Variants in SLCO4C1 observed in about 807,000 individuals in gnomAD.
SLCO4C1 encodes the protein solute carrier organic anion transporter family member 4C1.
SLCO4C1 carries 58 observed loss-of-function variants against 72.1 expected under a neutral mutation model. The ratio of observed to expected loss-of-function variants is 0.80; its 90% CI spans 0.65 to 1.00. The LOEUF is 1.00. Among genes scored for constraint, SLCO4C1 ranks in the 50% least tolerant of loss-of-function variants. The pLI, the probability that SLCO4C1 is intolerant of heterozygous loss-of-function variation, is 0.00. For synonymous variants in SLCO4C1, 297 were observed against 312.5 expected (o/e 0.95, Z 0.52); for missense variants, 898 against 857.9 (o/e 1.05, Z -0.58).
intron 8 of SLCO4C1, 50 bp from the exon 9 acceptor site, chr5:102,249,838 C>A: frequency 6.3e-7 from 1 of 1,578,072 alleles, no homozygotes; most frequent in Non-Finnish European, 8.6e-7. Flanking sequence ...TAACTTTTAA[C>A]TAACAATTTC....
chr5:102,270,855 TA>T, intron 2 of SLCO4C1, 49 bp from the exon 3 acceptor site: 2 of 1,383,034 alleles, frequency 1.4e-6, no homozygotes, highest in Non-Finnish European at 2.0e-6. Flanking sequence ...GCTAATAATT[TA>T]AATTTCTATC....
chr5:102,249,877 C>G lies in SLCO4C1; in HGVS notation c.1470-89G>C, dbSNP rs1561367881. 3 of 1,264,558 alleles carry G rather than the reference C, an allele frequency of 2.4e-6. No individual in the cohort carries two copies. In the East Asian group the frequency reaches 7.0e-5, roughly 30 times the overall value. 78.3% of individuals were successfully genotyped at this position (1,264,558 alleles called of 1,614,324 possible). A position where few individuals can be genotyped will look rare whatever the true frequency, so the allele number is the denominator to read the frequency against. On this transcript the variant is annotated intron_variant, in intron 8 of 12. Coordinates refer to ENST00000310954, the MANE Select transcript of SLCO4C1 (RefSeq NM_180991.5). ...GCACTGTTATATCTTACCATTAGGT[C>G]ATTTATTCACTCACTCAACACATAA... is the stretch of plus-strand genomic sequence containing the variant.
At chr5:102,276,914 AATTCC>A (rs1749256714) in intron 2 of SLCO4C1, among the ~76,000 whole-genome samples, 1 of 152,286 alleles carries the variant, frequency 6.6e-6, no homozygotes, top group East Asian at 1.9e-4. Context: ...AGGGTGTAAG[AATTCC>A]ATTAAGTGGA....
rs539884313 is a variant in SLCO4C1 at position 102,255,856 on chromosome 5, A to G, written c.1469+1259T>C. Among the ~76,000 whole-genome samples, 19 of 152,246 alleles carry G rather than the reference A, an allele frequency of 1.2e-4. No homozygotes were observed. The South Asian group carries it at 3.9e-3, about 32-fold the overall frequency. ...TCTTTTGCAATCTCTCCTTTAGAAC[A>G]GGTATTTTGCCAAGAAGATCTGCCA... On this transcript the variant is annotated intron_variant, in intron 8 of 12. Coordinates refer to ENST00000310954, the MANE Select transcript of SLCO4C1 (RefSeq NM_180991.5).
chr5:102,241,743 C>G (rs997540278), intron 10 of SLCO4C1, among the ~76,000 whole-genome samples: 1 of 151,860 alleles, frequency 6.6e-6, no homozygotes, highest in Non-Finnish European at 1.5e-5. Context: ...ATTGAAAAAA[C>G]AATCCTAAAA....
chr5:102,243,270 ACCTCCC>A (rs1748579611), intron 10 of SLCO4C1, among the ~76,000 whole-genome samples: 1 of 151,872 alleles, frequency 6.6e-6, no homozygotes, highest in South Asian at 2.1e-4. Context: ...TGCCTGTAGG[ACCTCCC>A]CACCCAAGCG....
chr5:102,280,980 TA>T (rs1749343822), intron 2 of SLCO4C1, among the ~76,000 whole-genome samples: 1 of 152,138 alleles, frequency 6.6e-6, no homozygotes. Flanking sequence ...TTCTAAAATT[TA>T]TATAGAAATA....
intron 2 of SLCO4C1, among the ~76,000 whole-genome samples, chr5:102,285,757 T>C (rs1749440624): frequency 6.6e-6 from 1 of 152,146 alleles, no homozygotes; most frequent in Admixed American, 6.5e-5. Context: ...CCATTATAGC[T>C]TCTAATCTAA....
chr5:102,236,613 T>TTC lies in SLCO4C1; in HGVS notation c.*244_*245insGA. ...GTGTGTGTGTGTGTGTTCGTGTGTG[T>TTC]GTGTGTGTGTGTGCTCGTGTGTGTG... On this transcript the variant is annotated 3_prime_UTR_variant, in exon 13 of 13. Transcript: ENST00000310954. The TTC allele has an allele frequency of 2.6e-6, 1 of 391,390 alleles. No homozygotes were observed. The highest frequency in any genetic ancestry group is 5.8e-5 in the East Asian group (1 of 17,336). 24.2% of individuals were successfully genotyped at this position (391,390 alleles called of 1,614,324 possible).
At position 102,236,082 on chromosome 5, in the gene SLCO4C1, TA is replaced by T. The variant is rs1379693082; in HGVS notation, c.*775del. 6 of 152,220 alleles carry T rather than the reference TA, an allele frequency of 3.9e-5. No individual in the cohort carries two copies. The highest frequency in any genetic ancestry group is 1.4e-4 in the African/African-American group (6 of 41,460). The allele number at this position is 152,220 out of a possible 1,614,324, so 9.4% of individuals were successfully genotyped here. A position where few individuals can be genotyped will look rare whatever the true frequency, so the allele number is the denominator to read the frequency against. On this transcript the variant is annotated 3_prime_UTR_variant, in exon 13 of 13. Coordinates refer to ENST00000310954, the MANE Select transcript of SLCO4C1 (RefSeq NM_180991.5). ...TACTGACTGGTACTTTCCTCTGAAA[TA>T]TATGCAATTGAATAATATTATCACA... is the stretch of plus-strand genomic sequence containing the variant.
chr5:102,255,257 A>AC (rs1748813575), intron 8 of SLCO4C1, among the ~76,000 whole-genome samples: 1 of 152,142 alleles, frequency 6.6e-6, no homozygotes, highest in Admixed American at 6.6e-5. Context: ...CCTCAGAATT[A>AC]CCCCATCACA....
chr5:102,241,414 CA>C (rs1026540669), intron 10 of SLCO4C1, among the ~76,000 whole-genome samples: 3 of 151,846 alleles, frequency 2.0e-5, no homozygotes, highest in Admixed American at 1.3e-4. Context: ...AAAGTTTTAG[CA>C]TACAAAATCA....
intron 4 of SLCO4C1, among the ~76,000 whole-genome samples, chr5:102,262,633 C>T (rs1393615728): frequency 6.6e-6 from 1 of 152,040 alleles, no homozygotes; most frequent in Non-Finnish European, 1.5e-5. Context: ...CCACTCCTGG[C>T]CTCAAGTGAT....
intron 1 of SLCO4C1, among the ~76,000 whole-genome samples, chr5:102,293,967 G>C (rs1371620454): frequency 6.6e-6 from 1 of 152,156 alleles, no homozygotes; most frequent in Admixed American, 6.5e-5. Context: ...GGAGTGCAAT[G>C]ACACGATCTC....
intron 8 of SLCO4C1, among the ~76,000 whole-genome samples, chr5:102,251,753 C>G (rs554774414): frequency 3.2e-4 from 48 of 152,190 alleles, no homozygotes; most frequent in African/African-American, 1.1e-3. Context: ...TCTTAATAAC[C>G]ATTTGGACAT....
In SLCO4C1 at chr5:102,234,832, A is replaced by G. The variant is rs548355441; in HGVS notation, c.*2026T>C. ...TTCCTTTTTTCTGGGCTCCAATAGGAAGCAGCATTTACAACGTGTCTGGCT... is the reference window on the plus strand; with the variant it reads ...TTCCTTTTTTCTGGGCTCCAATAGGGAGCAGCATTTACAACGTGTCTGGCT... On this transcript the variant is annotated 3_prime_UTR_variant, in exon 13 of 13. Transcript: ENST00000310954. The G allele has an allele frequency of 6.6e-6, 1 of 152,256 alleles. No homozygotes were observed. Among genetic ancestry groups the G allele is most frequent in the East Asian group, 1.9e-4 (1 of 5,176 alleles). The allele number at this position is 152,256 out of a possible 1,614,324, so 9.4% of individuals were successfully genotyped here. A position where few individuals can be genotyped will look rare whatever the true frequency, so the allele number is the denominator to read the frequency against.
At position 102,261,974 on chromosome 5, in the gene SLCO4C1, A is replaced by G; in HGVS notation, c.959T>C (p.Leu320Pro). The change falls in exon 5 of 13, where the codon CTA becomes CCA. Residue 320 changes from leucine (L) to proline (P), a missense_variant. Physicochemically the swap from Leu to Pro is moderately conservative, Grantham distance 98 (BLOSUM62 -3). Transcript: ENST00000310954. Reference sequence around the variant, plus strand: ...TAAAGACCAAGCAAAGATCCATGATAGAAGAAACCCAATCCACCAAGCTCC... The same window carrying G: ...TAAAGACCAAGCAAAGATCCATGATGGAAGAAACCCAATCCACCAAGCTCC... The part of the protein sequence containing the change: ...WLGAWWIGFL[L>P]SWIFAWSLII... 4 of 1,613,270 alleles carry G rather than the reference A, an allele frequency of 2.5e-6. No individual in the cohort carries two copies. Among genetic ancestry groups the G allele is most frequent in the Non-Finnish European group, 3.4e-6 (4 of 1,179,486 alleles).
At chr5:102,282,961 A>C (rs568158946) in intron 2 of SLCO4C1, among the ~76,000 whole-genome samples, 1 of 152,114 alleles carries the variant, frequency 6.6e-6, no homozygotes, top group East Asian at 1.9e-4. Flanking sequence ...ATCATGTTCA[A>C]AGTCAAAAAA....
intron 6 of SLCO4C1, 147 bp from the exon 7 acceptor site, chr5:102,258,234 G>A: frequency 1.8e-6 from 1 of 559,166 alleles, no homozygotes; most frequent in South Asian, 3.5e-5. Flanking sequence ...TATAACTATG[G>A]ATAATTAATA....
Sources: gnomAD v4.1 joint callset for allele counts (sites outside exome capture counted in the v4.1 genomes callset) on GRCh38, gnomAD v4.1.1 for gene constraint, MANE v1.5 for transcripts, NCBI Gene and HGNC (gene_info 2026-07-23, HGNC 2026-07-21) for gene names.